LRP1B: variants seen among roughly 807,000 people sequenced by gnomAD.
LRP1B encodes the protein low-density lipoprotein receptor-related protein 1B.
A neutral mutation model predicts 556.6 loss-of-function variants in LRP1B; 217 were observed. The ratio of observed to expected loss-of-function variants is 0.39; its 90% confidence interval spans 0.35 to 0.44. LRP1B has a LOEUF of 0.44. Among genes scored for constraint, LRP1B ranks in the 20% least tolerant of loss-of-function variants. LRP1B has a pLI of 1.00. For missense variants in LRP1B, 5,053 were observed against 5,620.8 expected (o/e 0.90, Z 3.23); for synonymous variants, 2,047 against 1,865.8 (o/e 1.10, Z -2.50).
chr2:140,519,227 T>C (rs543583912), intron 49 of LRP1B, among the ~76,000 whole-genome samples: 1 of 152,228 alleles, frequency 6.6e-6, no homozygotes, highest in Non-Finnish European at 1.5e-5. Context: ...AAGGCCACAG[T>C]AACCAAAACA....
intron 1 of LRP1B, among the ~76,000 whole-genome samples, chr2:142,082,457 C>T (rs1705755287): frequency 6.6e-6 from 1 of 152,092 alleles, no homozygotes; most frequent in Non-Finnish European, 1.5e-5. Flanking sequence ...CATGATTCAC[C>T]AAATGCAAAC....
intron 29 of LRP1B, 131 bp from the exon 30 acceptor site, chr2:140,841,223 T>G: frequency 1.7e-6 from 1 of 588,726 alleles, no homozygotes; most frequent in Non-Finnish European, 2.9e-6. Flanking sequence ...TCGCACAAGA[T>G]TGTAATCTCA....
At chr2:140,900,036 T>C (rs1262905543) in intron 23 of LRP1B, among the ~76,000 whole-genome samples, 1 of 152,182 alleles carries the variant, frequency 6.6e-6, no homozygotes, top group East Asian at 1.9e-4. Context: ...TCTTGTTAAC[T>C]GGTCTTTGTT....
intron 77 of LRP1B, among the ~76,000 whole-genome samples, chr2:140,345,803 T>C (rs182613708): frequency 6.3e-5 from 9 of 142,164 alleles, no homozygotes; most frequent in African/African-American, 2.1e-4. Context: ...TATATACATA[T>C]ATACACATAT....
At chr2:141,901,544 T>A (rs1699618395) in intron 1 of LRP1B, among the ~76,000 whole-genome samples, 2 of 151,972 alleles carry the variant, frequency 1.3e-5, no homozygotes, top group Non-Finnish European at 2.9e-5. Flanking sequence ...AATAATAATT[T>A]GATCATCACT....
chr2:142,095,139 C>CTT (rs35384210), intron 1 of LRP1B, among the ~76,000 whole-genome samples: 216 of 147,292 alleles, frequency 1.5e-3, no homozygotes, highest in Admixed American at 2.4e-3. Context: ...TATAAAAAAG[C>CTT]TTTTTTTTTT....
At chr2:140,965,859 C>A (rs1416757316) in intron 18 of LRP1B, among the ~76,000 whole-genome samples, 1 of 142,564 alleles carries the variant, frequency 7.0e-6, no homozygotes, top group African/African-American at 2.6e-5. Context: ...CTAGCTTCAT[C>A]CACGTCCCTA....
At chr2:140,652,203 TG>T (rs113457479) in intron 41 of LRP1B, among the ~76,000 whole-genome samples, 8,822 of 151,872 alleles carry the variant, frequency 0.058, 300 homozygotes, top group Admixed American at 0.078. Flanking sequence ...ATTGATACAG[TG>T]AAAAAAAACA....
chr2:140,426,930 T>C (rs1369931354), intron 66 of LRP1B, among the ~76,000 whole-genome samples: 3 of 152,036 alleles, frequency 2.0e-5, no homozygotes, highest in Non-Finnish European at 4.4e-5. Flanking sequence ...CCAAGAAACA[T>C]CTCACCAATT....
In LRP1B at chr2:140,795,336, T is replaced by C. The variant is rs369816662; in HGVS notation, c.5359+18321A>G. 2.5e-4 allele frequency among the ~76,000 whole-genome samples: 38 copies of C among 152,284 alleles called. 2 individuals carry two copies. Among genetic ancestry groups the C allele is most frequent in the East Asian group, 1.9e-3 (10 of 5,182 alleles). ...TTCTGAGTACTGTTCATTTTTGATA[T>C]ATCTATATAAAAACTACGAACAATA... On this transcript the variant is annotated intron_variant, in intron 32 of 90. Coordinates refer to ENST00000389484, the MANE Select transcript of LRP1B (RefSeq NM_018557.3).
At chr2:140,412,227 G>A (rs1684994522) in intron 66 of LRP1B, among the ~76,000 whole-genome samples, 1 of 152,020 alleles carries the variant, frequency 6.6e-6, no homozygotes, top group Admixed American at 6.6e-5. Flanking sequence ...TTCAACTCTA[G>A]ACATTTCTCA....
chr2:140,534,121 T>G lies in LRP1B; in HGVS notation c.7662A>C (p.Arg2554Ser). Residue 2554 changes from arginine to serine, a missense_variant, in exon 47 of 91, where the codon AGA (arginine) becomes AGC (serine). Around this residue, in one of 5 missense-constraint regions of LRP1B, gnomAD observed 3,619 missense variants for 3,931.9 expected, o/e 0.92. Transcript: ENST00000389484. ...GGCGATTATAGCATGGCTTGAAGCC[T>G]CTTCGACAGCTTCTGTTTTCTTATA... ...LLYCENRSCR[R>S]GFKPCYNRRC... 7 of 1,612,710 alleles carry G rather than the reference T, an allele frequency of 4.3e-6. No individual in the cohort carries two copies. The highest frequency in any genetic ancestry group is 5.9e-6 in the Non-Finnish European group (7 of 1,179,240).
chr2:141,617,137 C>A (rs760704494), intron 2 of LRP1B, among the ~76,000 whole-genome samples: 2 of 152,096 alleles, frequency 1.3e-5, no homozygotes, highest in African/African-American at 4.8e-5. Context: ...TGATTACATT[C>A]GGGTGTCTGC....
intron 2 of LRP1B, among the ~76,000 whole-genome samples, chr2:141,562,685 T>TA (rs1686204338): frequency 6.6e-6 from 1 of 151,948 alleles, no homozygotes; most frequent in Non-Finnish European, 1.5e-5. Flanking sequence ...AAGAAGTGTT[T>TA]AAAAGAAAGT....
intron 1 of LRP1B, among the ~76,000 whole-genome samples, chr2:141,886,676 ATCAG>A (rs1481916289): frequency 6.6e-6 from 1 of 152,210 alleles, no homozygotes; most frequent in African/African-American, 2.4e-5. Flanking sequence ...AACATTTAAA[ATCAG>A]TCAAATTATT....
chr2:140,617,838 T>G (rs1404374840), intron 41 of LRP1B, among the ~76,000 whole-genome samples: 1 of 152,024 alleles, frequency 6.6e-6, no homozygotes, highest in Non-Finnish European at 1.5e-5. Context: ...AAAATCCTAC[T>G]TAATTAGGAA....
intron 33 of LRP1B, 25 bp from the exon 34 acceptor site, chr2:140,771,031 A>T: frequency 6.5e-7 from 1 of 1,532,412 alleles, no homozygotes; most frequent in Non-Finnish European, 8.7e-7. Flanking sequence ...AATGAAACAA[A>T]TTTCTTTAAT....
chr2:141,264,588 G>C (rs1023565122), intron 3 of LRP1B, among the ~76,000 whole-genome samples: 3 of 151,998 alleles, frequency 2.0e-5, no homozygotes, highest in African/African-American at 7.2e-5. Flanking sequence ...CTGAGTTTCT[G>C]GGACCACAAG....
chr2:140,675,244 G>A lies in LRP1B; in HGVS notation c.6799+25006C>T, dbSNP rs765213868. The stretch of plus-strand genomic sequence containing the variant: ...CAAATACCTTTGCAACACTGTTTAC[G>A]TTAGTGTTTTATTGAAGAACTGACT... On this transcript the variant is annotated intron_variant, in intron 41 of 90. Transcript: ENST00000389484. Among the ~76,000 whole-genome samples the A allele has an allele frequency of 7.2e-4, 110 of 152,258 alleles. 1 individual carries two copies. Among genetic ancestry groups the A allele is most frequent in the Non-Finnish European group, 5.9e-4 (40 of 68,026 alleles).
Sources: allele counts gnomAD v4.1 joint callset (sites outside exome capture counted in the v4.1 genomes callset), GRCh38; gene constraint gnomAD v4.1.1; regional missense constraint gnomAD v4.1.1; transcripts MANE v1.5; gene names NCBI Gene and HGNC (gene_info 2026-07-23, HGNC 2026-07-21).